The following RANGAP1 variants were observed in gnomAD, a reference collection of about 807,000 sequenced individuals.
The protein encoded by RANGAP1 is Ran GTPase activating protein 1.
In RANGAP1, 38 loss-of-function variants were observed where a neutral mutation model predicts 63.5. The ratio of observed to expected loss-of-function variants is 0.60; its 90% CI spans 0.46 to 0.78. RANGAP1 has a LOEUF of 0.78. Among genes scored for constraint, RANGAP1 ranks in the 30% least tolerant of loss-of-function variants. The pLI, the probability that RANGAP1 is intolerant of heterozygous loss-of-function variation, is 0.00. For synonymous variants in RANGAP1, 329 were observed against 310.5 expected (o/e 1.06, Z -0.63); for missense variants, 630 against 740.3 (o/e 0.85, Z 1.73).
At chr22:41,251,146 G>A (rs376211179) in intron 12 of RANGAP1, 37 bp from the exon 13 acceptor site, 92 of 1,548,950 alleles carry the variant, frequency 5.9e-5, no homozygotes, top group Non-Finnish European at 6.9e-5. Flanking sequence ...CCTGTGGCAC[G>A]TGGTGGAGAG....
chr22:41,293,766 AAAAAAAAAAAAAAAAG>A, the RANGAP1 span, among the ~76,000 whole-genome samples: 1 of 125,850 alleles, frequency 7.9e-6, no homozygotes, highest in Non-Finnish European at 1.8e-5. Flanking sequence ...GTCTCAAAAA[AAAAAAAAAAAAAAAAG>A]AAAAGAAATA....
the RANGAP1 span, among the ~76,000 whole-genome samples, chr22:41,296,441 G>A: frequency 6.6e-6 from 1 of 152,194 alleles, no homozygotes; most frequent in Non-Finnish European, 1.5e-5. Flanking sequence ...GAGGTCAGGA[G>A]TTCAAGACCA....
intron 6 of RANGAP1, among the ~76,000 whole-genome samples, chr22:41,258,548 G>A (rs559081204): frequency 1.6e-4 from 25 of 152,332 alleles, no homozygotes; most frequent in Admixed American, 1.3e-4. Flanking sequence ...TCGACATGGC[G>A]TCCTTCTCTA....
chr22:41,276,759 TGAGGTCAG>T (rs1232243979), intron 2 of RANGAP1, among the ~76,000 whole-genome samples: 3 of 151,692 alleles, frequency 2.0e-5, no homozygotes, highest in South Asian at 4.2e-4. Context: ...GGGCGGATCG[TGAGGTCAG>T]GAGTTCAGGA....
At chr22:41,292,365 A>T in the RANGAP1 span, among the ~76,000 whole-genome samples, 171 of 150,938 alleles carry the variant, frequency 1.1e-3, 2 homozygotes, top group African/African-American at 3.9e-3. Context: ...GGCCAGGCTG[A>T]TCTCAAACTC....
intron 1 of RANGAP1, 99 bp from the exon 2 acceptor site, chr22:41,281,181 T>C (rs1199670506): frequency 7.9e-7 from 1 of 1,263,348 alleles, no homozygotes; most frequent in Middle Eastern, 2.8e-4. Flanking sequence ...TGACCCTACC[T>C]CCCCTGCTAT....
chr22:41,260,128 C>T (rs1337876977), intron 6 of RANGAP1, among the ~76,000 whole-genome samples: 2 of 152,020 alleles, frequency 1.3e-5, no homozygotes, highest in Non-Finnish European at 2.9e-5. Flanking sequence ...GGTCACACTA[C>T]ATATTTTAGC....
intron 4 of RANGAP1, 83 bp from the exon 5 acceptor site, chr22:41,264,926 G>A (rs985786485): frequency 4.3e-6 from 6 of 1,407,766 alleles, no homozygotes; most frequent in Admixed American, 4.0e-5. Context: ...GCCCAGCTCT[G>A]CCTTCCAAGG....
At chr22:41,276,706 G>C (rs1256558545) in intron 2 of RANGAP1, among the ~76,000 whole-genome samples, 1 of 148,780 alleles carries the variant, frequency 6.7e-6, no homozygotes, top group Non-Finnish European at 1.5e-5. Flanking sequence ...GGCTGGGCGC[G>C]GTGGCTCACG....
intron 4 of RANGAP1, among the ~76,000 whole-genome samples, chr22:41,265,156 G>A (rs2034395026): frequency 6.6e-6 from 1 of 152,208 alleles, no homozygotes; most frequent in Non-Finnish European, 1.5e-5. Context: ...AACAGGAGCA[G>A]AGAGACATAA....
chr22:41,256,307 G>C lies in RANGAP1; in HGVS notation c.889-17C>G. The C allele has an allele frequency of 6.2e-7, 1 of 1,612,792 alleles. No individual in the cohort carries two copies. Among genetic ancestry groups the C allele is most frequent in the South Asian group, 1.1e-5 (1 of 90,974 alleles). ...GTTCAGCTCCTGAAAATAAGAGGAA[G>C]GGTTGGAGGCAGGCAGAAACCCGGG... On this transcript the variant is annotated splice_polypyrimidine_tract_variant and intron_variant, in intron 8 of 15. Transcript: ENST00000356244.
chr22:41,294,661 G>T, the RANGAP1 span, among the ~76,000 whole-genome samples: 1 of 141,532 alleles, frequency 7.1e-6, no homozygotes, highest in African/African-American at 2.6e-5. Context: ...ATCTCTGCCC[G>T]GCCGCCCATC....
chr22:41,285,276 G>A (rs2035695535), intron 1 of RANGAP1: 1 of 156,356 alleles, frequency 6.4e-6, no homozygotes, highest in Non-Finnish European at 1.4e-5. Flanking sequence ...CCTCCAGATA[G>A]AATAGGGACA....
chr22:41,273,882 T>C (rs1211469639), intron 3 of RANGAP1, among the ~76,000 whole-genome samples: 3 of 150,056 alleles, frequency 2.0e-5, no homozygotes, highest in Non-Finnish European at 4.4e-5. Flanking sequence ...GAGACCATCC[T>C]GGCTAACACA....
chr22:41,255,422 G>A (rs914380329), intron 10 of RANGAP1, among the ~76,000 whole-genome samples: 1 of 152,002 alleles, frequency 6.6e-6, no homozygotes, highest in African/African-American at 2.4e-5. Context: ...GCCACTCCCC[G>A]GCCACCCACC....
chr22:41,297,928 C>T, the RANGAP1 span, among the ~76,000 whole-genome samples: 2 of 151,576 alleles, frequency 1.3e-5, no homozygotes, highest in African/African-American at 4.8e-5. Context: ...GGAACGATCT[C>T]GGCTCACTAC....
At chr22:41,283,012 C>G (rs2035575187) in intron 1 of RANGAP1, among the ~76,000 whole-genome samples, 1 of 152,074 alleles carries the variant, frequency 6.6e-6, no homozygotes, top group Non-Finnish European at 1.5e-5. Flanking sequence ...TAACTTATAA[C>G]CCTGGTTTGT....
chr22:41,275,363 G>C (rs2035072638), intron 2 of RANGAP1, among the ~76,000 whole-genome samples: 1 of 151,312 alleles, frequency 6.6e-6, no homozygotes, highest in Admixed American at 6.6e-5. Flanking sequence ...GTGGTGGTGG[G>C]TGTTTGTAAT....
At chr22:41,272,071 G>T (rs1852706708) in intron 3 of RANGAP1, among the ~76,000 whole-genome samples, 1 of 152,224 alleles carries the variant, frequency 6.6e-6, no homozygotes, top group South Asian at 2.1e-4. Flanking sequence ...TCATATAAGA[G>T]CCCAGCCTCA....
Sources: gnomAD v4.1 joint callset for allele counts (sites outside exome capture counted in the v4.1 genomes callset) on GRCh38, gnomAD v4.1.1 for gene constraint, MANE v1.5 for transcripts, NCBI Gene and HGNC (gene_info 2026-07-23, HGNC 2026-07-21) for gene names.